Variants in TRPS1 observed in about 807,000 individuals in gnomAD.
TRPS1 encodes the protein zinc finger transcription factor Trps1.
A neutral mutation model predicts 101.2 loss-of-function variants in TRPS1; 6 were observed. The observed-to-expected ratio is 0.06, with a 90% confidence interval of 0.03 to 0.12. The LOEUF (loss-of-function observed/expected upper bound fraction) is 0.12. TRPS1 is among the 10% of genes least tolerant of loss of function. TRPS1 has a pLI of 1.00. For missense variants in TRPS1, 1,363 were observed against 1,567.0 expected (o/e 0.87, Z 2.20); for synonymous variants, 578 against 589.8 (o/e 0.98, Z 0.29).
chr8:115,414,926 C>G lies in TRPS1; in HGVS notation c.2982G>C (p.Glu994Asp). The change falls in exon 7 of 7, where the codon GAG becomes GAC. Residue 994 changes from glutamate (E) to aspartate (D), a missense_variant. Physicochemically the swap from Glu to Asp is conservative, Grantham distance 45. Transcript: ENST00000395715. This position sits in a 1 kb window ranked among gnomAD's most constrained non-coding sequence, Gnocchi z 4.8. ...NEEQVNGSPL[E>D]RRSEDHLTES... ...CAGTTAGATGATCTTCTGACCTCCT[C>G]TCTAACGGGCTTCCATTGACTTGCT... is the stretch of plus-strand genomic sequence containing the variant. 1 of 1,602,608 alleles carries G rather than the reference C, an allele frequency of 6.2e-7. No homozygotes were observed. Among genetic ancestry groups the G allele is most frequent in the Non-Finnish European group, 8.5e-7 (1 of 1,174,364 alleles).
In TRPS1 at chr8:115,437,904, A is replaced by G. The variant is rs1056520955; in HGVS notation, c.2701-19452T>C. On this transcript the variant is annotated intron_variant, in intron 5 of 6. Transcript: ENST00000395715. ...TACTTTCTATATTCTTTCTCCAGAAAAGAAAAGCCAGGAGTTTTATTTTCC... is the reference window on the plus strand; with the variant it reads ...TACTTTCTATATTCTTTCTCCAGAAGAGAAAAGCCAGGAGTTTTATTTTCC... Among the ~76,000 whole-genome samples the G allele has an allele frequency of 2.7e-4, 41 of 152,216 alleles. 1 individual carries two copies. The highest frequency in any genetic ancestry group is 9.4e-4 in the African/African-American group (39 of 41,458).
intron 4 of TRPS1, among the ~76,000 whole-genome samples, chr8:115,590,973 A>C (rs1817667950): frequency 1.3e-5 from 2 of 152,064 alleles, no homozygotes. Context: ...AAAAAAAAAA[A>C]CATTTTTAAA....
chr8:115,657,268 A>G (rs938891631), intron 1 of TRPS1, among the ~76,000 whole-genome samples: 1 of 152,112 alleles, frequency 6.6e-6, no homozygotes, highest in African/African-American at 2.4e-5. Flanking sequence ...CACTCTGAGT[A>G]TTTCTACCTG....
chr8:115,570,630 T>C (rs1169674480), intron 5 of TRPS1, among the ~76,000 whole-genome samples: 1 of 151,670 alleles, frequency 6.6e-6, no homozygotes, highest in Non-Finnish European at 1.5e-5. Context: ...CTGTGTCCCA[T>C]ACTTGTCTAA....
chr8:115,538,599 A>T (rs1389697662), intron 5 of TRPS1, among the ~76,000 whole-genome samples: 1 of 151,910 alleles, frequency 6.6e-6, no homozygotes, highest in Non-Finnish European at 1.5e-5. Context: ...GAAAATAAAA[A>T]AAAAAAATGA....
intron 1 of TRPS1, among the ~76,000 whole-genome samples, chr8:115,624,423 AATAGTG>A (rs1460374857): frequency 6.6e-6 from 1 of 152,002 alleles, no homozygotes; most frequent in African/African-American, 2.4e-5. Context: ...GGGGCTATGT[AATAGTG>A]AGCAGGCCTA....
At chr8:115,567,599 A>C (rs1228304499) in intron 5 of TRPS1, among the ~76,000 whole-genome samples, 2 of 152,138 alleles carry the variant, frequency 1.3e-5, no homozygotes, top group African/African-American at 2.4e-5. Context: ...TTTTGCAGTG[A>C]CTTAAAATTT....
At chr8:115,639,608 C>T (rs1438867787) in intron 1 of TRPS1, among the ~76,000 whole-genome samples, 1 of 151,212 alleles carries the variant, frequency 6.6e-6, no homozygotes, top group African/African-American at 2.4e-5. Context: ...GTCGGTGGAC[C>T]ACTTGAGTCC....
At chr8:115,662,041 T>A (rs1811810120) in intron 1 of TRPS1, among the ~76,000 whole-genome samples, 1 of 152,064 alleles carries the variant, frequency 6.6e-6, no homozygotes, top group Admixed American at 6.6e-5. Flanking sequence ...ACTATGCTGA[T>A]GTGAACAACA....
intron 5 of TRPS1, among the ~76,000 whole-genome samples, chr8:115,419,565 G>C (rs1327998698): frequency 6.6e-6 from 1 of 152,066 alleles, no homozygotes; most frequent in Non-Finnish European, 1.5e-5. Context: ...TAAAATTTAG[G>C]CAATTTATTT....
intron 3 of TRPS1, among the ~76,000 whole-genome samples, chr8:115,615,382 G>A (rs900741771): frequency 2.6e-5 from 4 of 152,090 alleles, no homozygotes; most frequent in African/African-American, 4.8e-5. Context: ...AATGCACAGC[G>A]CATTACACCC....
chr8:115,607,035 G>C (rs1256875146), intron 3 of TRPS1, among the ~76,000 whole-genome samples: 1 of 151,944 alleles, frequency 6.6e-6, no homozygotes, highest in Admixed American at 6.6e-5. Context: ...AAAATGCTTT[G>C]AACTTCTGCT....
chr8:115,462,983 G>A (rs1814225255), intron 5 of TRPS1, among the ~76,000 whole-genome samples: 1 of 152,096 alleles, frequency 6.6e-6, no homozygotes, highest in Admixed American at 6.6e-5. Flanking sequence ...AATTCTTAAT[G>A]GCTTTAAGTC....
At position 115,603,867 on chromosome 8, in the gene TRPS1, C is replaced by T. The variant is rs547628528; in HGVS notation, c.2096+6G>A. ...ATTCCTCCCGACCCCACCCCCCATG[C>T]CTCACCTGTAGTGTCGGGAAATCTC... On this transcript the variant is annotated splice_donor_region_variant and intron_variant, in intron 4 of 6. Transcript: ENST00000395715. 6.2e-7 allele frequency: 1 copy of T among 1,613,890 alleles called. No individual in the cohort carries two copies. The highest frequency in any genetic ancestry group is 1.3e-5 in the African/African-American group (1 of 75,008).
intron 5 of TRPS1, among the ~76,000 whole-genome samples, chr8:115,535,155 G>GTATAACATATA (rs1816256129): frequency 1.5e-5 from 2 of 137,598 alleles, no homozygotes; most frequent in Non-Finnish European, 3.2e-5. Flanking sequence ...TATAGCATAT[G>GTATAACATATA]TATAGCATAT....
At chr8:115,558,423 C>G (rs1816874953) in intron 5 of TRPS1, among the ~76,000 whole-genome samples, 1 of 152,192 alleles carries the variant, frequency 6.6e-6, no homozygotes. Context: ...CCTAGCTGTT[C>G]TACCTCCCCT....
At chr8:115,434,352 T>C (rs987592579) in intron 5 of TRPS1, among the ~76,000 whole-genome samples, 6 of 152,170 alleles carry the variant, frequency 3.9e-5, no homozygotes, top group Non-Finnish European at 8.8e-5. Flanking sequence ...CTTCTGGAAG[T>C]TGATCCATGC....
At chr8:115,610,246 T>C (rs1296783496) in intron 3 of TRPS1, among the ~76,000 whole-genome samples, 3 of 151,870 alleles carry the variant, frequency 2.0e-5, no homozygotes, top group Admixed American at 2.0e-4. Flanking sequence ...AAAAGCTAAG[T>C]TGTTAAAAAA....
intron 5 of TRPS1, among the ~76,000 whole-genome samples, chr8:115,496,611 G>GA (rs1265937289): frequency 6.6e-6 from 1 of 151,916 alleles, no homozygotes; most frequent in African/African-American, 2.4e-5. Flanking sequence ...TGCCAGGGGA[G>GA]AAAAAAATTA....
Sources: gnomAD v4.1 joint callset for allele counts (sites outside exome capture counted in the v4.1 genomes callset) on GRCh38, gnomAD v4.1.1 for gene constraint, Gnocchi (gnomAD v3.1) non-coding constraint, MANE v1.5 for transcripts, NCBI Gene and HGNC (gene_info 2026-07-23, HGNC 2026-07-21) for gene names.